SDK1: variants seen among roughly 807,000 people sequenced by gnomAD.
SDK1 encodes protein sidekick-1.
Under a neutral mutation model 245.5 loss-of-function variants are expected in SDK1, and 157 were observed. That is an observed-to-expected ratio of 0.64 (90% CI 0.56 to 0.73). SDK1 has a LOEUF of 0.73. Among genes scored for constraint, SDK1 ranks in the 30% least tolerant of loss-of-function variants. The probability of loss-of-function intolerance (pLI) is 0.00; values close to 1 mark genes in which losing one functional copy is unlikely to be tolerated. For missense variants in SDK1, 3,583 were observed against 3,002.3 expected, an observed-to-expected ratio of 1.19 and a Z score of -4.52; for synonymous variants, 1,647 against 1,278.5, an observed-to-expected ratio of 1.29 and a Z score of -6.15.
Position 4,026,559 on chromosome 7 carries a change from A to C in SDK1, c.2602+9207A>C, listed in dbSNP as rs1403624509. On this transcript the variant is annotated intron_variant, in intron 17 of 44. Transcript: ENST00000404826. This position sits in a 1 kb window ranked among gnomAD's most constrained non-coding sequence, Gnocchi z 4.1. ...ACACTGGCCCCAAATGCTTCTCTTC[A>C]ATGCCTGGCAAGTAAAGATTTGGAA... 1.3e-5 allele frequency among the ~76,000 whole-genome samples: 2 copies of C among 152,168 alleles called. No homozygotes were observed. The highest frequency in any genetic ancestry group is 4.8e-5 in the African/African-American group (2 of 41,426).
chr7:4,208,000 A>T, intron 36 of SDK1, 99 bp from the exon 37 acceptor site: 1 of 875,848 alleles, frequency 1.1e-6, no homozygotes, highest in Non-Finnish European at 1.8e-6. Context: ...CTCGCCCCAG[A>T]ACTCAGCTCA....
chr7:3,974,138 C>A (rs1782699292), intron 12 of SDK1, among the ~76,000 whole-genome samples: 1 of 136,268 alleles, frequency 7.3e-6, no homozygotes, highest in African/African-American at 2.9e-5. Context: ...GGGCCAAGAT[C>A]ATGCCACTGC....
rs1036271956 is a variant in SDK1 at position 3,401,328 on chromosome 7, G to A, written c.298+99444G>A. Among the ~76,000 whole-genome samples the A allele has an allele frequency of 2.6e-5, 4 of 152,112 alleles. No individual in the cohort carries two copies. The South Asian group carries it at 8.3e-4, about 32-fold the overall frequency. Reference sequence around the variant, plus strand: ...AGAATGGAAAGGTAACTGATAACTTGGAAGTTTAAACAATTACAATTTTCC... The same window carrying A: ...AGAATGGAAAGGTAACTGATAACTTAGAAGTTTAAACAATTACAATTTTCC... On this transcript the variant is annotated intron_variant, in intron 1 of 44. Coordinates refer to ENST00000404826, the MANE Select transcript of SDK1 (RefSeq NM_152744.4).
chr7:4,057,493 G>T (rs1779276005), intron 19 of SDK1, among the ~76,000 whole-genome samples: 1 of 152,132 alleles, frequency 6.6e-6, no homozygotes, highest in Non-Finnish European at 1.5e-5. Flanking sequence ...GGAGCCAGGG[G>T]ATTGTCCCAC....
At chr7:3,607,523 G>A (rs145517507) in intron 1 of SDK1, among the ~76,000 whole-genome samples, 10 of 152,178 alleles carry the variant, frequency 6.6e-5, no homozygotes, top group African/African-American at 2.2e-4. Flanking sequence ...TTTCATAGAC[G>A]TTTACTAGGT....
Position 4,049,351 on chromosome 7 carries a change from C to T in SDK1, c.2606C>T (p.Pro869Leu). ...ATCAATGACTGCCCTGCCACAGTGC[C>T]CACCGCGCCCCCGCAGAACGTGCAG... ...AVTEYTLQGV[P>L]TAPPQNVQTE... The change falls in exon 18 of 45, where the codon CCC (proline) becomes CTC (leucine). Residue 869 changes from proline to leucine, a missense_variant. By Grantham distance (98) the Pro-to-Leu change is moderately conservative (BLOSUM62 -3). Transcript: ENST00000404826. 1 of 1,613,714 alleles carries T rather than the reference C, an allele frequency of 6.2e-7. No individual in the cohort carries two copies. Among genetic ancestry groups the T allele is most frequent in the Non-Finnish European group, 8.5e-7 (1 of 1,179,792 alleles).
intron 5 of SDK1, among the ~76,000 whole-genome samples, chr7:3,850,145 C>G (rs1780381386): frequency 6.6e-6 from 1 of 152,184 alleles, no homozygotes. Flanking sequence ...TGAAGAGCAC[C>G]TGCCCTGGGA....
intron 1 of SDK1, among the ~76,000 whole-genome samples, chr7:3,607,690 G>C (rs963140812): frequency 3.3e-5 from 5 of 152,218 alleles, no homozygotes; most frequent in African/African-American, 1.2e-4. Flanking sequence ...ACGGTGGCCT[G>C]ATTTATGTGT....
intron 1 of SDK1, among the ~76,000 whole-genome samples, chr7:3,574,543 A>G (rs1252779603): frequency 6.6e-6 from 1 of 152,008 alleles, no homozygotes; most frequent in Non-Finnish European, 1.5e-5. Flanking sequence ...AATGCGGGAA[A>G]AACTCCTGGC....
At chr7:3,564,994 G>T (rs1779865553) in intron 1 of SDK1, among the ~76,000 whole-genome samples, 1 of 151,980 alleles carries the variant, frequency 6.6e-6, no homozygotes, top group Non-Finnish European at 1.5e-5. Context: ...TAGGGGATCA[G>T]GTACTTTAAA....
chr7:3,436,031 G>C (rs531244511), intron 1 of SDK1, among the ~76,000 whole-genome samples: 2 of 152,270 alleles, frequency 1.3e-5, no homozygotes, highest in African/African-American at 4.8e-5. Context: ...AATATCATGT[G>C]ATTTGCATGA....
At chr7:3,560,181 G>A (rs537418676) in intron 1 of SDK1, among the ~76,000 whole-genome samples, 64 of 152,166 alleles carry the variant, frequency 4.2e-4, no homozygotes, top group African/African-American at 1.3e-3. Flanking sequence ...TTATGCTTCC[G>A]CAAAATACAC....
chr7:4,121,237 T>C (rs899270972), intron 25 of SDK1, among the ~76,000 whole-genome samples: 2 of 152,188 alleles, frequency 1.3e-5, no homozygotes, highest in African/African-American at 4.8e-5. Flanking sequence ...AAGAAGCAAG[T>C]GGATTTACCT....
chr7:3,898,976 A>C (rs17134023), intron 5 of SDK1, among the ~76,000 whole-genome samples: 3,523 of 152,290 alleles, frequency 0.023, 145 homozygotes, highest in African/African-American at 0.08. Flanking sequence ...TGGTTTCCCA[A>C]TTCTATAGTA....
chr7:3,569,816 G>C (rs1241732402), intron 1 of SDK1, among the ~76,000 whole-genome samples: 1 of 152,172 alleles, frequency 6.6e-6, no homozygotes, highest in African/African-American at 2.4e-5. Flanking sequence ...GGAAAAATTT[G>C]ACCTCAGGCT....
At chr7:3,684,411 A>G (rs1307401808) in intron 4 of SDK1, among the ~76,000 whole-genome samples, 2 of 152,188 alleles carry the variant, frequency 1.3e-5, no homozygotes, top group African/African-American at 4.8e-5. Context: ...CAGCAAGGGG[A>G]GAGGAGTCAG....
chr7:3,987,850 G>A (rs1176107738), intron 14 of SDK1, among the ~76,000 whole-genome samples: 3 of 152,110 alleles, frequency 2.0e-5, no homozygotes, highest in Non-Finnish European at 4.4e-5. Flanking sequence ...CTCTCCTCCA[G>A]CCGCCAAGCC....
At position 3,655,049 on chromosome 7, in the gene SDK1, C is replaced by CTTTTT. The variant is rs10663969; in HGVS notation, c.713+12953_713+12957dup. ...AATGTGTTAGTTGAATCATAGCTTG[C>CTTTTT]TTTTTTTTTTTTTGGCTCTTAAATC... On this transcript the variant is annotated intron_variant, in intron 4 of 44. Coordinates refer to ENST00000404826, the MANE Select transcript of SDK1 (RefSeq NM_152744.4). Among the ~76,000 whole-genome samples, 5 of 144,300 alleles carry CTTTTT rather than the reference C, an allele frequency of 3.5e-5. 1 individual carries two copies. Among genetic ancestry groups the CTTTTT allele is most frequent in the Non-Finnish European group, 3.0e-5 (2 of 65,858 alleles). The allele number at this position is 144,300 out of a possible 152,430, so 94.7% of individuals were successfully genotyped here.
intron 1 of SDK1, among the ~76,000 whole-genome samples, chr7:3,447,103 A>C (rs938675317): frequency 6.6e-6 from 1 of 152,206 alleles, no homozygotes; most frequent in Non-Finnish European, 1.5e-5. Context: ...GATGCAGTAG[A>C]ATACATCTCA....
Sources: gnomAD v4.1 joint callset for allele counts (sites outside exome capture counted in the v4.1 genomes callset) on GRCh38, gnomAD v4.1.1 for gene constraint, Gnocchi (gnomAD v3.1) non-coding constraint, MANE v1.5 for transcripts, NCBI Gene and HGNC (gene_info 2026-07-23, HGNC 2026-07-21) for gene names.